GABRG3: variants seen among roughly 807,000 people sequenced by gnomAD.
The protein encoded by GABRG3 is gamma-aminobutyric acid type A receptor subunit gamma3, also known as gamma-aminobutyric acid receptor subunit gamma-3.
GABRG3 carries 25 observed loss-of-function variants against 48.8 expected under a neutral mutation model. The ratio of observed to expected loss-of-function variants is 0.51; its 90% confidence interval spans 0.37 to 0.72. The LOEUF (loss-of-function observed/expected upper bound fraction) is 0.72. GABRG3 is among the 30% of genes least tolerant of loss of function. GABRG3 has a pLI of 0.00. For synonymous variants in GABRG3, 227 were observed against 217.6 expected (o/e 1.04, Z -0.38); for missense variants, 394 against 577.9 (o/e 0.68, Z 3.26).
At chr15:27,511,924 A>G (rs891741782) in intron 6 of GABRG3, among the ~76,000 whole-genome samples, 1 of 152,198 alleles carries the variant, frequency 6.6e-6, no homozygotes, top group Non-Finnish European at 1.5e-5. Flanking sequence ...TGTGGGAGGA[A>G]CGTTCTAGCA....
At chr15:27,482,450 A>G (rs1207750042) in intron 6 of GABRG3, among the ~76,000 whole-genome samples, 1 of 146,398 alleles carries the variant, frequency 6.8e-6, no homozygotes, top group Non-Finnish European at 1.5e-5. Flanking sequence ...ATGAATATTC[A>G]TGAAACACCA....
At chr15:27,188,632 T>C (rs1386799517) in intron 3 of GABRG3, among the ~76,000 whole-genome samples, 1 of 151,740 alleles carries the variant, frequency 6.6e-6, no homozygotes, top group African/African-American at 2.4e-5. Context: ...TATTAGCCCT[T>C]TGTCAGATGA....
chr15:27,222,021 C>A (rs150990195), intron 3 of GABRG3, among the ~76,000 whole-genome samples: 3 of 152,320 alleles, frequency 2.0e-5, no homozygotes, highest in African/African-American at 4.8e-5. Flanking sequence ...TTAATATATT[C>A]TTTCTGCCTT....
At chr15:27,232,226 T>A (rs1026589847) in intron 3 of GABRG3, among the ~76,000 whole-genome samples, 5 of 152,206 alleles carry the variant, frequency 3.3e-5, no homozygotes, top group Non-Finnish European at 5.9e-5. Context: ...CAGTCTAACT[T>A]TGAGGTTAAA....
At chr15:27,252,923 C>T (rs1890505662) in intron 3 of GABRG3, among the ~76,000 whole-genome samples, 2 of 152,200 alleles carry the variant, frequency 1.3e-5, no homozygotes. Context: ...CATGTGTCTT[C>T]AAGGGCTGTG....
intron 6 of GABRG3, among the ~76,000 whole-genome samples, chr15:27,502,293 A>G (rs564687463): frequency 1.3e-5 from 2 of 152,320 alleles, no homozygotes; most frequent in African/African-American, 4.8e-5. Context: ...CTGTTTAATG[A>G]TTTTATTTAA....
At chr15:27,308,997 TATA>T (rs1274615199) in intron 3 of GABRG3, among the ~76,000 whole-genome samples, 8 of 150,500 alleles carry the variant, frequency 5.3e-5, no homozygotes, top group African/African-American at 1.5e-4. Context: ...TGAAAACACA[TATA>T]ATGTAAAAAT....
Position 27,457,254 on chromosome 15 carries a change from G to A in GABRG3, c.575-23396G>A, listed in dbSNP as rs932248625. 3.9e-5 allele frequency among the ~76,000 whole-genome samples: 6 copies of A among 152,208 alleles called. No homozygotes were observed. The highest frequency in any genetic ancestry group is 1.4e-4 in the African/African-American group (6 of 41,448). ...TGTACAGTGCAGGGCCGGCGGGGTG[G>A]TGGAGAGAAAGGAGGCATTTCCTTT... is the stretch of plus-strand genomic sequence containing the variant. On this transcript the variant is annotated intron_variant, in intron 5 of 9. Transcript: ENST00000615808. This position sits in a 1 kb window ranked among gnomAD's most constrained non-coding sequence, Gnocchi z 4.4.
At chr15:27,406,278 A>C (rs1566826899) in intron 5 of GABRG3, among the ~76,000 whole-genome samples, 2 of 152,210 alleles carry the variant, frequency 1.3e-5, no homozygotes, top group Non-Finnish European at 1.5e-5. Flanking sequence ...TTCTGTAGAT[A>C]CTTCTTGCTA....
intron 3 of GABRG3, among the ~76,000 whole-genome samples, chr15:27,050,575 A>G (rs1896439801): frequency 6.6e-6 from 1 of 152,190 alleles, no homozygotes; most frequent in African/African-American, 2.4e-5. Flanking sequence ...TTATTTGCCC[A>G]GGAGAACAAG....
intron 3 of GABRG3, among the ~76,000 whole-genome samples, chr15:27,154,792 T>A (rs879634479): frequency 1.2e-3 from 182 of 152,298 alleles, no homozygotes; most frequent in Non-Finnish European, 1.7e-3. Flanking sequence ...GTTTATACTT[T>A]TTTTTGTCCT....
At chr15:27,049,076 G>A (rs1318814584) in intron 3 of GABRG3, among the ~76,000 whole-genome samples, 1 of 152,248 alleles carries the variant, frequency 6.6e-6, no homozygotes, top group African/African-American at 2.4e-5. Context: ...AGATTCCCAG[G>A]AAGTGCTGAG....
intron 5 of GABRG3, among the ~76,000 whole-genome samples, chr15:27,461,480 C>T (rs1189057222): frequency 6.6e-6 from 1 of 152,124 alleles, no homozygotes; most frequent in Non-Finnish European, 1.5e-5. Flanking sequence ...AAGATAGTGC[C>T]CACCCAAAGA....
chr15:27,451,943 T>G (rs1290308699), intron 5 of GABRG3, among the ~76,000 whole-genome samples: 1 of 152,190 alleles, frequency 6.6e-6, no homozygotes, highest in East Asian at 1.9e-4. Context: ...ACAAATGTAG[T>G]AAAATGTTGT....
intron 3 of GABRG3, among the ~76,000 whole-genome samples, chr15:27,142,801 G>C (rs566751658): frequency 6.6e-6 from 1 of 151,700 alleles, no homozygotes; most frequent in Non-Finnish European, 1.5e-5. Context: ...TTGAGACAGG[G>C]TTTTGTCTGT....
chr15:27,161,131 G>T (rs1400922639), intron 3 of GABRG3: 2 of 152,068 alleles, frequency 1.3e-5, no homozygotes, highest in Non-Finnish European at 2.9e-5. Context: ...TGGACCCATC[G>T]TATGTTACTA....
At chr15:27,500,098 T>C (rs1362402239) in intron 6 of GABRG3, among the ~76,000 whole-genome samples, 2 of 152,120 alleles carry the variant, frequency 1.3e-5, no homozygotes, top group Non-Finnish European at 2.9e-5. Context: ...GAGTGGACTT[T>C]ACGTTATCAG....
At chr15:27,389,880 G>A (rs185269345) in intron 5 of GABRG3, among the ~76,000 whole-genome samples, 36 of 152,248 alleles carry the variant, frequency 2.4e-4, no homozygotes, top group Middle Eastern at 3.4e-3. Flanking sequence ...CAAAATATGC[G>A]GGCATAAAAC....
intron 5 of GABRG3, among the ~76,000 whole-genome samples, chr15:27,409,668 C>T (rs1273120107): frequency 6.6e-6 from 1 of 152,106 alleles, no homozygotes; most frequent in Non-Finnish European, 1.5e-5. Flanking sequence ...GGAGAATTGA[C>T]ATCTTTGTTA....
Sources: gnomAD v4.1 joint callset for allele counts (sites outside exome capture counted in the v4.1 genomes callset) on GRCh38, gnomAD v4.1.1 for gene constraint, Gnocchi (gnomAD v3.1) non-coding constraint, MANE v1.5 for transcripts, NCBI Gene and HGNC (gene_info 2026-07-23, HGNC 2026-07-21) for gene names.